Variants in JAZF1 observed in about 807,000 individuals in gnomAD.
JAZF1 encodes the protein juxtaposed with another zinc finger protein 1.
Under a neutral mutation model 26.4 loss-of-function variants are expected in JAZF1, and 8 were observed. The observed-to-expected ratio is 0.30, with a 90% CI of 0.18 to 0.55. The LOEUF is 0.55. Ranked by LOEUF, JAZF1 falls within the 20% of genes least tolerant of loss-of-function variation. The probability of loss-of-function intolerance (pLI) is 0.94; values close to 1 mark genes in which losing one functional copy is unlikely to be tolerated. For missense variants in JAZF1, 199 were observed against 322.0 expected, an observed-to-expected ratio of 0.62 and a Z score of 2.92; for synonymous variants, 126 against 122.3, an observed-to-expected ratio of 1.03 and a Z score of -0.20.
chr7:28,022,881 C>T (rs1049812446), intron 1 of JAZF1, among the ~76,000 whole-genome samples: 58 of 152,206 alleles, frequency 3.8e-4, no homozygotes, highest in African/African-American at 1.3e-3. Context: ...CTCAGCCTCC[C>T]GAGTAGCTGG....
At chr7:27,846,650 G>T in intron 3 of JAZF1, 1 of 412,270 alleles carries the variant, frequency 2.4e-6, no homozygotes, top group South Asian at 1.9e-5. Context: ...TGTCTGAATG[G>T]GTGTGCTCTT....
chr7:28,127,934 T>G (rs146662993), intron 1 of JAZF1, among the ~76,000 whole-genome samples: 2 of 152,182 alleles, frequency 1.3e-5, no homozygotes, highest in Non-Finnish European at 2.9e-5. Flanking sequence ...TTCAATCATC[T>G]CCCACTGGGC....
chr7:28,068,432 A>G (rs972412851), intron 1 of JAZF1, among the ~76,000 whole-genome samples: 2 of 152,184 alleles, frequency 1.3e-5, no homozygotes, highest in African/African-American at 2.4e-5. Flanking sequence ...TGTCGTATCA[A>G]TTATACCATT....
At chr7:28,000,827 C>A (rs1242537425) in intron 1 of JAZF1, among the ~76,000 whole-genome samples, 2 of 151,868 alleles carry the variant, frequency 1.3e-5, no homozygotes, top group African/African-American at 2.4e-5. Context: ...CCATGTTGGC[C>A]AGAGTGTTCT....
intron 1 of JAZF1, among the ~76,000 whole-genome samples, chr7:28,115,203 A>G (rs4722756): frequency 0.55 from 83,666 of 152,040 alleles, 24,518 homozygotes; most frequent in Non-Finnish European, 0.65. Flanking sequence ...GCCAAGCCAC[A>G]TATGTAATTT....
intron 2 of JAZF1, among the ~76,000 whole-genome samples, chr7:27,965,055 G>C (rs1785251245): frequency 6.6e-6 from 1 of 151,974 alleles, no homozygotes; most frequent in African/African-American, 2.4e-5. Context: ...ACAGCTACAG[G>C]GTTTCATTTA....
chr7:28,092,290 CA>C (rs749913273), intron 1 of JAZF1, among the ~76,000 whole-genome samples: 10 of 12,802 alleles, frequency 7.8e-4, no homozygotes, highest in Non-Finnish European at 1.4e-3. Context: ...GGACAAAAGG[CA>C]AAAAAAAAAA....
chr7:27,914,699 C>T (rs557393655), intron 2 of JAZF1: 5 of 470,858 alleles, frequency 1.1e-5, no homozygotes, highest in Non-Finnish European at 2.2e-5. Context: ...ATAGATATAG[C>T]ACTTCTTCAG....
intron 3 of JAZF1, among the ~76,000 whole-genome samples, chr7:27,886,447 A>G (rs1783866137): frequency 6.6e-6 from 1 of 152,228 alleles, no homozygotes; most frequent in Non-Finnish European, 1.5e-5. Context: ...CATGGACTAT[A>G]AAATTGTTTG....
chr7:28,069,180 C>T (rs1390461893), intron 1 of JAZF1, among the ~76,000 whole-genome samples: 2 of 152,248 alleles, frequency 1.3e-5, no homozygotes, highest in Non-Finnish European at 2.9e-5. Flanking sequence ...GAGCAGAGAG[C>T]AGAGCCAGCT....
chr7:27,950,065 C>T lies in JAZF1; in HGVS notation c.188+41844G>A, dbSNP rs529619205. Among the ~76,000 whole-genome samples the T allele has an allele frequency of 2.1e-4, 32 of 152,334 alleles. No individual in the cohort carries two copies. In the South Asian group the frequency reaches 5.8e-3, roughly 28 times the overall value. ...TACAATCTCATTCCACCTTCCACTC[C>T]TCTTTGTGAAACATTGGCATCATTG... is the stretch of plus-strand genomic sequence containing the variant. On this transcript the variant is annotated intron_variant, in intron 2 of 4. Transcript: ENST00000283928.
chr7:28,065,539 G>A (rs911516933), intron 1 of JAZF1, among the ~76,000 whole-genome samples: 1 of 152,166 alleles, frequency 6.6e-6, no homozygotes, highest in Non-Finnish European at 1.5e-5. Flanking sequence ...TAAATGTCAC[G>A]ATCCTATCCC....
intron 1 of JAZF1, among the ~76,000 whole-genome samples, chr7:28,101,169 T>C (rs1037881108): frequency 2.0e-5 from 3 of 152,176 alleles, no homozygotes; most frequent in African/African-American, 7.2e-5. Context: ...GGAACCCTTT[T>C]TTTATCCTCA....
At chr7:28,080,936 A>C (rs896544846) in intron 1 of JAZF1, among the ~76,000 whole-genome samples, 16 of 150,062 alleles carry the variant, frequency 1.1e-4, no homozygotes, top group South Asian at 8.5e-4. Flanking sequence ...ATTTGTAAAA[A>C]AAAACAAAAA....
chr7:27,884,922 C>T (rs964530031), intron 3 of JAZF1, among the ~76,000 whole-genome samples: 2 of 152,158 alleles, frequency 1.3e-5, no homozygotes, highest in Non-Finnish European at 2.9e-5. Context: ...TATATCACAC[C>T]TCTGTCAGTT....
At chr7:28,007,212 A>G (rs1034667721) in intron 1 of JAZF1, among the ~76,000 whole-genome samples, 15 of 152,312 alleles carry the variant, frequency 9.8e-5, no homozygotes, top group Middle Eastern at 3.4e-3. Flanking sequence ...AATATTTCTC[A>G]TGCCCAGTAC....
At chr7:27,905,533 A>G (rs1248640807) in intron 2 of JAZF1, among the ~76,000 whole-genome samples, 1 of 150,992 alleles carries the variant, frequency 6.6e-6, no homozygotes, top group East Asian at 1.9e-4. Flanking sequence ...CTTGACAATC[A>G]TATTTTATTT....
chr7:27,916,189 T>G (rs1013612044), intron 2 of JAZF1, among the ~76,000 whole-genome samples: 6 of 151,974 alleles, frequency 3.9e-5, no homozygotes, highest in Admixed American at 3.9e-4. Flanking sequence ...CACAAGGACA[T>G]TAGTTACACC....
intron 1 of JAZF1, among the ~76,000 whole-genome samples, chr7:28,123,966 C>G (rs887279680): frequency 5.3e-5 from 8 of 152,138 alleles, no homozygotes; most frequent in Non-Finnish European, 1.0e-4. Flanking sequence ...TGAGAAAGAA[C>G]AAAACTGAGT....
Sources: gnomAD v4.1 joint callset for allele counts (sites outside exome capture counted in the v4.1 genomes callset) on GRCh38, gnomAD v4.1.1 for gene constraint, MANE v1.5 for transcripts, NCBI Gene and HGNC (gene_info 2026-07-23, HGNC 2026-07-21) for gene names.